Variants in GOLGA3 observed in about 807,000 individuals in gnomAD.
GOLGA3 encodes the protein golgin subfamily A member 3.
A neutral mutation model predicts 169.4 loss-of-function variants in GOLGA3; 75 were observed. The ratio of observed to expected loss-of-function variants is 0.44; its 90% CI spans 0.37 to 0.54. The LOEUF is 0.54. Among genes scored for constraint, GOLGA3 ranks in the 20% least tolerant of loss-of-function variants. The pLI is 0.00. For synonymous variants in GOLGA3, 824 were observed against 822.4 expected (o/e 1.00, Z -0.03); for missense variants, 1,899 against 1,930.0 (o/e 0.98, Z 0.30).
intron 3 of GOLGA3, among the ~76,000 whole-genome samples, chr12:132,814,950 G>A (rs1949888872): frequency 6.6e-6 from 1 of 152,230 alleles, no homozygotes. Context: ...TAAGCCATCA[G>A]CAGACACCGC....
intron 22 of GOLGA3, chr12:132,774,599 A>G: frequency 1.9e-6 from 1 of 524,164 alleles, no homozygotes; most frequent in South Asian, 2.4e-5. Context: ...CACAGACTAC[A>G]GCTCTCCCAG....
chr12:132,826,099 T>C lies in GOLGA3; in HGVS notation c.-184+2704A>G. 2.0e-6 allele frequency: 3 copies of C among 1,505,326 alleles called. No individual in the cohort carries two copies. The South Asian group carries it at 3.4e-5, about 17-fold the overall frequency. The allele number at this position is 1,505,326 out of a possible 1,614,324, so 93.2% of individuals were successfully genotyped here. ...TCGTCACAGTGGGCGAGTGCCGGCCTTGCCGGCCTCTGAGCAAGACAGTGC... is the reference window on the plus strand; with the variant it reads ...TCGTCACAGTGGGCGAGTGCCGGCCCTGCCGGCCTCTGAGCAAGACAGTGC... On this transcript the variant is annotated intron_variant, in intron 1 of 23. Coordinates refer to ENST00000450791, the MANE Select transcript of GOLGA3 (RefSeq NM_001389683.1).
intron 4 of GOLGA3, among the ~76,000 whole-genome samples, chr12:132,809,355 G>A (rs537439786): frequency 3.3e-5 from 5 of 152,288 alleles, no homozygotes; most frequent in African/African-American, 1.2e-4. Flanking sequence ...CCTGACATCA[G>A]TCAGGCCCTC....
At chr12:132,797,415 G>A (rs1387019784) in intron 9 of GOLGA3, among the ~76,000 whole-genome samples, 1 of 152,144 alleles carries the variant, frequency 6.6e-6, no homozygotes, top group Admixed American at 6.5e-5. Context: ...TCGAGTAGGT[G>A]ACACTATCCC....
rs771473006 is a variant in GOLGA3, at chr12:132,780,928, CAGG to C, written c.3466-17_3466-15del. Reference sequence around the variant, plus strand: ...AACTGCCTGCACCTAGATCAGATTGCAGGAGGACAGATAAGGAAGGACGTCGAA... The same window carrying C: ...AACTGCCTGCACCTAGATCAGATTGCAGGACAGATAAGGAAGGACGTCGAA... On this transcript the variant is annotated splice_polypyrimidine_tract_variant and intron_variant, in intron 17 of 23. Coordinates refer to ENST00000450791, the MANE Select transcript of GOLGA3 (RefSeq NM_001389683.1). 33 of 1,585,696 alleles carry C rather than the reference CAGG, an allele frequency of 2.1e-5. No homozygotes were observed. Among genetic ancestry groups the C allele is most frequent in the Middle Eastern group, 3.3e-4 (2 of 6,018 alleles).
intron 4 of GOLGA3, among the ~76,000 whole-genome samples, chr12:132,809,313 G>A (rs1949579967): frequency 1.3e-5 from 2 of 152,356 alleles, no homozygotes; most frequent in South Asian, 4.1e-4. Context: ...ATCACAGGGA[G>A]ATGGTTAGGC....
chr12:132,817,545 A>C (rs113341248), intron 2 of GOLGA3, among the ~76,000 whole-genome samples: 7 of 12,736 alleles, frequency 5.5e-4, no homozygotes, highest in African/African-American at 8.0e-4. Context: ...AGGTGAACCC[A>C]CCCTCCACAC....
intron 1 of GOLGA3, chr12:132,825,679 C>A: frequency 9.7e-7 from 1 of 1,028,348 alleles, no homozygotes. Context: ...TGGAAGAGCA[C>A]CTTTTTTCAG....
chr12:132,824,511 T>C (rs979949036), intron 1 of GOLGA3, among the ~76,000 whole-genome samples: 1 of 152,196 alleles, frequency 6.6e-6, no homozygotes, highest in Non-Finnish European at 1.5e-5. Flanking sequence ...AAATCTCGCA[T>C]AGCTAATCAA....
In GOLGA3 at chr12:132,795,947, G is replaced by A; in HGVS notation, c.2374C>T (p.Leu792Phe). Reference protein sequence around the residue: ...LQAAKSGKEELDRGARRLEEG... With the variant: ...LQAAKSGKEEFDRGARRLEEG... ...TCCAAGCGTCTTGCTCCTCTGTCAAGCTCCTCCTTGCCACTCTTGGCCGCC... is the reference window on the plus strand; with the variant it reads ...TCCAAGCGTCTTGCTCCTCTGTCAAACTCCTCCTTGCCACTCTTGGCCGCC... Residue 792 changes from leucine (L) to phenylalanine (F), a missense_variant, in exon 11 of 24, where the codon CTT (leucine) becomes TTT (phenylalanine). Leu to Phe is a conservative substitution (Grantham distance 22, BLOSUM62 0). Coordinates refer to ENST00000450791, the MANE Select transcript of GOLGA3 (RefSeq NM_001389683.1). 1 of 1,614,026 alleles carries A rather than the reference G, an allele frequency of 6.2e-7. No homozygotes were observed. Among genetic ancestry groups the A allele is most frequent in the South Asian group, 1.1e-5 (1 of 91,084 alleles).
chr12:132,782,284 G>A lies in GOLGA3; in HGVS notation c.3465+12C>T, dbSNP rs2306546. On this transcript the variant is annotated intron_variant, in intron 17 of 23. Transcript: ENST00000450791. Reference sequence around the variant, plus strand: ...ACACCGTTGCTGGCGTGAGTTTGACGAGTTTGAATACCTGAAGGTTCAACT... The same window carrying A: ...ACACCGTTGCTGGCGTGAGTTTGACAAGTTTGAATACCTGAAGGTTCAACT... 0.13 allele frequency: 206,662 copies of A among 1,606,094 alleles called. 14,540 individuals are homozygous for A. The highest frequency in any genetic ancestry group is 0.17 in the South Asian group (15,863 of 90,890).
chr12:132,826,821 T>G (rs1172608242), intron 1 of GOLGA3, among the ~76,000 whole-genome samples: 6 of 151,884 alleles, frequency 4.0e-5, no homozygotes, highest in Admixed American at 3.9e-4. Flanking sequence ...TACCTCAGAC[T>G]ACTGACAAAA....
intron 21 of GOLGA3, among the ~76,000 whole-genome samples, chr12:132,776,197 C>G (rs1440237797): frequency 1.4e-4 from 1 of 7,256 alleles, no homozygotes; most frequent in African/African-American, 2.3e-4. Context: ...GCTCCTTCCT[C>G]CCTGCTGCTC....
At chr12:132,803,120 C>T (rs1436136968) in intron 7 of GOLGA3, among the ~76,000 whole-genome samples, 1 of 152,042 alleles carries the variant, frequency 6.6e-6, no homozygotes, top group Non-Finnish European at 1.5e-5. Flanking sequence ...GTGTTTGGGG[C>T]CATCTTTAAC....
At chr12:132,796,337 C>T (rs2242293) in intron 10 of GOLGA3, 117 bp from the exon 11 acceptor site, 351,816 of 1,298,224 alleles carry the variant, frequency 0.27, 51,614 homozygotes, top group Non-Finnish European at 0.31. Context: ...CTTTTTTTCA[C>T]GCACAATCCT....
At chr12:132,785,299 G>A (rs1463099447) in intron 15 of GOLGA3, among the ~76,000 whole-genome samples, 1 of 152,152 alleles carries the variant, frequency 6.6e-6, no homozygotes, top group Non-Finnish European at 1.5e-5. Flanking sequence ...CAGGTGAGAG[G>A]AAGCACTTGA....
intron 10 of GOLGA3, 72 bp from the exon 11 acceptor site, chr12:132,796,292 G>A: frequency 1.3e-6 from 2 of 1,492,916 alleles, no homozygotes; most frequent in South Asian, 1.3e-5. Context: ...TTCCTGTTCG[G>A]GTTTCAAGTA....
chr12:132,793,938 A>G (rs1338527329), intron 11 of GOLGA3, among the ~76,000 whole-genome samples: 3 of 152,238 alleles, frequency 2.0e-5, no homozygotes, highest in South Asian at 4.1e-4. Flanking sequence ...TACAGAACAC[A>G]CTGCATGCAA....
In GOLGA3 at chr12:132,769,922, A is replaced by AT. The variant is rs2044825374; in HGVS notation, c.*3182dup. The AT allele has an allele frequency of 6.6e-6, 1 of 152,136 alleles. No homozygotes were observed. The highest frequency in any genetic ancestry group is 1.5e-5 in the Non-Finnish European group (1 of 68,030). The allele number at this position is 152,136 out of a possible 1,614,324, so 9.4% of individuals were successfully genotyped here. ...CCTTGGAGATAAAAAAACCTCAACA[A>AT]TAAAAAAAAGCAATTTAAAAATCCA... On this transcript the variant is annotated 3_prime_UTR_variant, in exon 24 of 24. Transcript: ENST00000450791.
Sources: allele counts gnomAD v4.1 joint callset (sites outside exome capture counted in the v4.1 genomes callset), GRCh38; gene constraint gnomAD v4.1.1; transcripts MANE v1.5; gene names NCBI Gene and HGNC (gene_info 2026-07-23, HGNC 2026-07-21).